The following ADAM17 variants were observed in gnomAD, a reference collection of about 807,000 sequenced individuals.
ADAM17 encodes the protein ADAM metallopeptidase domain 17.
A neutral mutation model predicts 96.7 loss-of-function variants in ADAM17; 39 were observed. That is an observed-to-expected ratio of 0.40 (90% CI 0.31 to 0.53). The LOEUF is 0.53. ADAM17 is among the 20% of genes least tolerant of loss of function. The probability of loss-of-function intolerance (pLI) is 0.44; values close to 1 mark genes in which losing one functional copy is unlikely to be tolerated. For synonymous variants in ADAM17, 344 were observed against 359.2 expected, an observed-to-expected ratio of 0.96 and a Z score of 0.48; for missense variants, 777 against 1,013.2, an observed-to-expected ratio of 0.77 and a Z score of 3.17.
At chr2:9,512,186 C>G (rs1435623914) in intron 10 of ADAM17, 1 of 151,806 alleles carries the variant, frequency 6.6e-6, no homozygotes, top group Non-Finnish European at 1.5e-5. Flanking sequence ...ACTCAAATCC[C>G]AAAGGTGTAA....
At chr2:9,542,128 G>A (rs1272808291) in intron 2 of ADAM17, among the ~76,000 whole-genome samples, 2 of 152,160 alleles carry the variant, frequency 1.3e-5, no homozygotes, top group Non-Finnish European at 2.9e-5. Context: ...TTAAAAAGAG[G>A]CCTGCAATTA....
intron 15 of ADAM17, among the ~76,000 whole-genome samples, chr2:9,494,119 C>T (rs568773002): frequency 6.6e-6 from 1 of 152,162 alleles, no homozygotes; most frequent in African/African-American, 2.4e-5. Flanking sequence ...TCTACACATA[C>T]ACAGTGGACA....
At chr2:9,502,693 A>G (rs1302914334) in intron 12 of ADAM17, among the ~76,000 whole-genome samples, 3 of 151,980 alleles carry the variant, frequency 2.0e-5, no homozygotes, top group Non-Finnish European at 4.4e-5. Flanking sequence ...AGCCTGGCCA[A>G]CATGGTGAAA....
At chr2:9,522,471 A>G in intron 7 of ADAM17, 1 of 587,422 alleles carries the variant, frequency 1.7e-6, no homozygotes, top group Non-Finnish European at 3.2e-6. Context: ...GTGAAAGAGA[A>G]TGAAAAGGGA....
chr2:9,524,460 G>A (rs889185677), intron 6 of ADAM17, among the ~76,000 whole-genome samples: 7 of 151,946 alleles, frequency 4.6e-5, no homozygotes, highest in South Asian at 2.1e-4. Flanking sequence ...ACTGCACTCC[G>A]GCCTGGGCGA....
chr2:9,546,410 C>T (rs1454206032), intron 1 of ADAM17, among the ~76,000 whole-genome samples: 1 of 152,164 alleles, frequency 6.6e-6, no homozygotes, highest in East Asian at 1.9e-4. Context: ...AACAGTTCTT[C>T]CTTTGGAGCC....
intron 2 of ADAM17, among the ~76,000 whole-genome samples, chr2:9,539,854 A>C (rs1665133526): frequency 6.6e-6 from 1 of 152,214 alleles, no homozygotes; most frequent in Admixed American, 6.5e-5. Context: ...ATTTATCTAC[A>C]AATGGAAATA....
chr2:9,498,981 T>C (rs1356984876), intron 13 of ADAM17, among the ~76,000 whole-genome samples: 1 of 152,216 alleles, frequency 6.6e-6, no homozygotes, highest in Non-Finnish European at 1.5e-5. Flanking sequence ...CACAGACTGC[T>C]GGCCTCCCTT....
chr2:9,538,182 T>C lies in ADAM17; in HGVS notation c.231-1354A>G, dbSNP rs796641704. Among the ~76,000 whole-genome samples the C allele has an allele frequency of 5.3e-5, 8 of 152,312 alleles. No individual in the cohort carries two copies. In the South Asian group the frequency reaches 1.5e-3, roughly 28 times the overall value. On this transcript the variant is annotated intron_variant, in intron 2 of 18. Coordinates refer to ENST00000310823, the MANE Select transcript of ADAM17 (RefSeq NM_003183.6). ...GCAAGACTTTCTCAAGTATTATTTATAGTCTTTCAATGTGTCCATGAACAC... is the reference window on the plus strand; with the variant it reads ...GCAAGACTTTCTCAAGTATTATTTACAGTCTTTCAATGTGTCCATGAACAC...
At chr2:9,525,041 A>G (rs573308709) in intron 6 of ADAM17, among the ~76,000 whole-genome samples, 52 of 147,662 alleles carry the variant, frequency 3.5e-4, no homozygotes, top group Non-Finnish European at 6.2e-4. Context: ...GGAGCCCCTT[A>G]ATATAAAACC....
intron 10 of ADAM17, among the ~76,000 whole-genome samples, chr2:9,511,377 G>A (rs368764530): frequency 2.7e-4 from 41 of 152,216 alleles, no homozygotes; most frequent in African/African-American, 9.1e-4. Flanking sequence ...TTGAACCCAG[G>A]AGGCGGAGGT....
chr2:9,525,453 A>G (rs1344814866), intron 6 of ADAM17, among the ~76,000 whole-genome samples: 1 of 152,224 alleles, frequency 6.6e-6, no homozygotes, highest in East Asian at 1.9e-4. Context: ...TGCATTCTCC[A>G]TTATTCCCTC....
chr2:9,527,025 T>A (rs1443198096), intron 5 of ADAM17, among the ~76,000 whole-genome samples: 1 of 151,884 alleles, frequency 6.6e-6, no homozygotes, highest in East Asian at 1.9e-4. Flanking sequence ...ATAATTTTAA[T>A]AACATAACCG....
chr2:9,538,131 C>G (rs1194409616), intron 2 of ADAM17, among the ~76,000 whole-genome samples: 2 of 152,084 alleles, frequency 1.3e-5, no homozygotes, highest in Non-Finnish European at 2.9e-5. Context: ...GACTTTCCAT[C>G]CTTACATGAA....
intron 13 of ADAM17, among the ~76,000 whole-genome samples, chr2:9,501,056 T>C (rs988847496): frequency 1.2e-4 from 12 of 101,430 alleles, no homozygotes; most frequent in African/African-American, 5.5e-4. Flanking sequence ...TGGCAACAGA[T>C]AGGAGACGTA....
At chr2:9,551,966 A>C (rs1048754802) in intron 1 of ADAM17, among the ~76,000 whole-genome samples, 8 of 152,208 alleles carry the variant, frequency 5.3e-5, no homozygotes, top group African/African-American at 1.9e-4. Flanking sequence ...ACAGTAAAAA[A>C]TATACCACTA....
At chr2:9,547,042 A>G (rs1665424634) in intron 1 of ADAM17, among the ~76,000 whole-genome samples, 1 of 152,182 alleles carries the variant, frequency 6.6e-6, no homozygotes, top group Admixed American at 6.5e-5. Flanking sequence ...ATGGCTGCCT[A>G]CTTCTCTCTA....
chr2:9,502,144 C>G (rs1663040927), intron 13 of ADAM17, 29 bp downstream of exon 13: 2 of 1,575,388 alleles, frequency 1.3e-6, no homozygotes, highest in Middle Eastern at 3.3e-4. Context: ...TGACCCACAG[C>G]ATTCCAAGGA....
intron 10 of ADAM17, among the ~76,000 whole-genome samples, chr2:9,515,808 T>C (rs552811535): frequency 9.2e-5 from 14 of 152,296 alleles, no homozygotes; most frequent in Non-Finnish European, 1.5e-4. Flanking sequence ...TGTTCCATTT[T>C]TGCATTCCCA....
Sources: gnomAD v4.1 joint callset for allele counts (sites outside exome capture counted in the v4.1 genomes callset) on GRCh38, gnomAD v4.1.1 for gene constraint, MANE v1.5 for transcripts, NCBI Gene and HGNC (gene_info 2026-07-23, HGNC 2026-07-21) for gene names.